The following SLC35D4 variants were observed in gnomAD, a reference collection of about 807,000 sequenced individuals.
SLC35D4 encodes the protein solute carrier family 35 member D4.
the SLC35D4 span, among the ~76,000 whole-genome samples, chr18:23,434,538 G>A: frequency 6.6e-6 from 1 of 152,120 alleles, no homozygotes; most frequent in Non-Finnish European, 1.5e-5. Flanking sequence ...TATAATCCCA[G>A]CATTTGGGAG....
At chr18:23,276,335 G>A in the SLC35D4 span, among the ~76,000 whole-genome samples, 3 of 151,874 alleles carry the variant, frequency 2.0e-5, no homozygotes, top group South Asian at 2.1e-4. Context: ...TGATCCACCC[G>A]CCTTGGCCTC....
chr18:23,402,633 T>C, the SLC35D4 span, among the ~76,000 whole-genome samples: 1 of 152,030 alleles, frequency 6.6e-6, no homozygotes, highest in Admixed American at 6.5e-5. Context: ...AGCAAGCCTG[T>C]CTCTACAAAA....
the SLC35D4 span, chr18:23,257,603 GAGAGGCCCTGCCCTCTGTCCACT>G: frequency 4.5e-6 from 2 of 441,500 alleles, no homozygotes; most frequent in Non-Finnish European, 7.9e-6. Context: ...GCTGAGAACA[GAGAGGCCCTGCCCTCTGTCCACT>G]AGCGAGAATC....
the SLC35D4 span, among the ~76,000 whole-genome samples, chr18:23,436,926 G>A: frequency 6.6e-6 from 1 of 152,352 alleles, no homozygotes; most frequent in East Asian, 1.9e-4. Flanking sequence ...CTTTTCCAGA[G>A]AGGAAGAGAG....
the SLC35D4 span, among the ~76,000 whole-genome samples, chr18:23,335,339 C>A: frequency 6.6e-6 from 1 of 152,220 alleles, no homozygotes; most frequent in Non-Finnish European, 1.5e-5. Flanking sequence ...TCTACTCCTT[C>A]AAATTTCCCA....
the SLC35D4 span, among the ~76,000 whole-genome samples, chr18:23,415,913 T>C: frequency 6.6e-6 from 1 of 152,024 alleles, no homozygotes; most frequent in East Asian, 1.9e-4. Context: ...CTTTGCAATA[T>C]AAGAAATGTG....
chr18:23,262,497 G>T, the SLC35D4 span, among the ~76,000 whole-genome samples: 1 of 152,208 alleles, frequency 6.6e-6, no homozygotes, highest in Non-Finnish European at 1.5e-5. Flanking sequence ...CCTCCAGTTT[G>T]CTTGGACTGA....
the SLC35D4 span, among the ~76,000 whole-genome samples, chr18:23,356,414 G>A: frequency 0.26 from 39,512 of 152,046 alleles, 5,611 homozygotes; most frequent in East Asian, 0.4. This position sits in a 1 kb window ranked among gnomAD's most constrained non-coding sequence, Gnocchi z 4.1. Flanking sequence ...AGCTGGCCCT[G>A]AGCATCTAAG....
At chr18:23,431,592 T>C in the SLC35D4 span, among the ~76,000 whole-genome samples, 1 of 152,226 alleles carries the variant, frequency 6.6e-6, no homozygotes, top group Non-Finnish European at 1.5e-5. Flanking sequence ...TTCTGCATTT[T>C]AGGATTTTGT....
At chr18:23,397,103 G>A in the SLC35D4 span, among the ~76,000 whole-genome samples, 4 of 152,068 alleles carry the variant, frequency 2.6e-5, no homozygotes, top group Admixed American at 6.6e-5. Flanking sequence ...GTGGGGCGGC[G>A]GGGGGAGGGT....
At chr18:23,246,005 C>T in the SLC35D4 span, among the ~76,000 whole-genome samples, 2 of 152,164 alleles carry the variant, frequency 1.3e-5, no homozygotes, top group African/African-American at 2.4e-5. Flanking sequence ...CGGTGGCTCA[C>T]GCCTGTAATC....
the SLC35D4 span, among the ~76,000 whole-genome samples, chr18:23,262,300 A>G: frequency 6.6e-6 from 1 of 152,228 alleles, no homozygotes; most frequent in East Asian, 1.9e-4. Context: ...GCTAACTTAC[A>G]GTGCATCACA....
chr18:23,309,784 G>C, the SLC35D4 span: 1 of 1,592,232 alleles, frequency 6.3e-7, no homozygotes, highest in Non-Finnish European at 8.6e-7. Context: ...CATACCAGCA[G>C]GGCTCTGGAA....
At chr18:23,335,157 G>A in the SLC35D4 span, among the ~76,000 whole-genome samples, 7 of 152,154 alleles carry the variant, frequency 4.6e-5, no homozygotes, top group African/African-American at 1.7e-4. Flanking sequence ...AGGAAAACAA[G>A]TCTGAGGAGG....
At chr18:23,351,494 T>C in the SLC35D4 span, among the ~76,000 whole-genome samples, 2 of 152,112 alleles carry the variant, frequency 1.3e-5, no homozygotes, top group East Asian at 3.9e-4. Flanking sequence ...CAAAGCAAAA[T>C]GTTTGAGGTT....
chr18:23,375,006 T>A, the SLC35D4 span, among the ~76,000 whole-genome samples: 1 of 151,586 alleles, frequency 6.6e-6, no homozygotes, highest in African/African-American at 2.4e-5. Context: ...TCCCAGCTAC[T>A]CAGGAGGCTG....
At chr18:23,287,832 C>T in the SLC35D4 span, among the ~76,000 whole-genome samples, 5 of 152,180 alleles carry the variant, frequency 3.3e-5, no homozygotes, top group East Asian at 1.9e-4. Context: ...ACACAAGGAC[C>T]GGGGTCGCGT....
At chr18:23,242,158 A>C in the SLC35D4 span, among the ~76,000 whole-genome samples, 1 of 152,106 alleles carries the variant, frequency 6.6e-6, no homozygotes, top group Non-Finnish European at 1.5e-5. Flanking sequence ...GGCGCCTGTA[A>C]TCCTGGCTAC....
At chr18:23,252,833 G>C in the SLC35D4 span, 1 of 624,826 alleles carries the variant, frequency 1.6e-6, no homozygotes, top group East Asian at 3.0e-5. Flanking sequence ...AGCCCTTGTT[G>C]TAGCTCCAAT....
Sources: allele counts gnomAD v4.1 joint callset (sites outside exome capture counted in the v4.1 genomes callset), GRCh38; gene constraint gnomAD v4.1.1; non-coding constraint Gnocchi (gnomAD v3.1); transcripts MANE v1.5; gene names NCBI Gene and HGNC (gene_info 2026-07-23, HGNC 2026-07-21).